CNTNAP5: variants seen among roughly 807,000 people sequenced by gnomAD.
CNTNAP5 encodes contactin-associated protein-like 5.
A neutral mutation model predicts 150.2 loss-of-function variants in CNTNAP5; 72 were observed. That is an observed-to-expected ratio of 0.48 (90% CI 0.40 to 0.58). The LOEUF (loss-of-function observed/expected upper bound fraction) is 0.58. CNTNAP5 is among the 20% of genes least tolerant of loss of function. The pLI is 0.00. For synonymous variants in CNTNAP5, 672 were observed against 619.8 expected, an observed-to-expected ratio of 1.08 and a Z score of -1.25; for missense variants, 1,636 against 1,626.2, an observed-to-expected ratio of 1.01 and a Z score of -0.10.
intron 10 of CNTNAP5, among the ~76,000 whole-genome samples, chr2:124,538,393 G>C (rs138738320): frequency 6.6e-6 from 1 of 152,070 alleles, no homozygotes; most frequent in South Asian, 2.1e-4. Flanking sequence ...CATGAGAATC[G>C]TTTGAACCCA....
intron 3 of CNTNAP5, among the ~76,000 whole-genome samples, chr2:124,336,161 C>A (rs950183035): frequency 6.6e-6 from 1 of 151,982 alleles, no homozygotes; most frequent in African/African-American, 2.4e-5. Context: ...TGAAATGGGA[C>A]CATAGTACAG....
intron 10 of CNTNAP5, among the ~76,000 whole-genome samples, chr2:124,546,484 C>T (rs146827010): frequency 2.6e-5 from 4 of 152,158 alleles, no homozygotes; most frequent in African/African-American, 9.6e-5. Flanking sequence ...CCCTTGTTTC[C>T]ACAAAACTAC....
At chr2:124,148,866 GTA>G (rs201789055) in intron 1 of CNTNAP5, among the ~76,000 whole-genome samples, 72 of 150,632 alleles carry the variant, frequency 4.8e-4, no homozygotes, top group Middle Eastern at 3.5e-3. Flanking sequence ...AGAGAGAGGT[GTA>G]TATATATACA....
At chr2:124,879,436 C>G (rs887767141) in intron 21 of CNTNAP5, among the ~76,000 whole-genome samples, 5 of 152,142 alleles carry the variant, frequency 3.3e-5, no homozygotes, top group African/African-American at 4.8e-5. Context: ...GCCTCCCAGA[C>G]TTGGATGAGT....
intron 8 of CNTNAP5, among the ~76,000 whole-genome samples, chr2:124,521,411 C>T (rs1573433217): frequency 6.6e-6 from 1 of 152,168 alleles, no homozygotes; most frequent in Non-Finnish European, 1.5e-5. Flanking sequence ...AAACCACCAA[C>T]CAAGCAAACC....
intron 1 of CNTNAP5, among the ~76,000 whole-genome samples, chr2:124,072,809 A>G (rs1374452736): frequency 6.6e-6 from 1 of 152,084 alleles, no homozygotes; most frequent in African/African-American, 2.4e-5. Flanking sequence ...ATTCAATGCA[A>G]TCCTTATCAA....
intron 13 of CNTNAP5, among the ~76,000 whole-genome samples, chr2:124,655,537 T>TTA (rs35983123): frequency 0.011 from 1,638 of 148,078 alleles, 19 homozygotes; most frequent in South Asian, 0.044. Flanking sequence ...CATCAAATGA[T>TTA]TATATATATA....
chr2:124,496,405 A>T (rs1365668923), intron 7 of CNTNAP5, among the ~76,000 whole-genome samples: 1 of 152,168 alleles, frequency 6.6e-6, no homozygotes, highest in African/African-American at 2.4e-5. Context: ...TTGGATGAAG[A>T]TCATTTTCTC....
intron 7 of CNTNAP5, among the ~76,000 whole-genome samples, chr2:124,486,655 A>G (rs2104845336): frequency 6.6e-6 from 1 of 152,340 alleles, no homozygotes; most frequent in East Asian, 1.9e-4. Context: ...TTCATATGTC[A>G]CCTGATCACA....
intron 19 of CNTNAP5, among the ~76,000 whole-genome samples, chr2:124,826,059 A>T (rs1243035097): frequency 6.6e-6 from 1 of 152,182 alleles, no homozygotes; most frequent in East Asian, 1.9e-4. Context: ...AACAAACATA[A>T]TTGCATAATG....
chr2:124,222,520 A>T (rs1573847730), intron 2 of CNTNAP5, among the ~76,000 whole-genome samples: 1 of 152,156 alleles, frequency 6.6e-6, no homozygotes, highest in East Asian at 1.9e-4. Flanking sequence ...GGTATCTGAT[A>T]GTATCTTAAT....
chr2:124,564,177 C>T (rs1235243518), intron 11 of CNTNAP5, among the ~76,000 whole-genome samples: 1 of 152,102 alleles, frequency 6.6e-6, no homozygotes, highest in Non-Finnish European at 1.5e-5. Flanking sequence ...CACAGGGGTC[C>T]TCTGCTCTGT....
intron 3 of CNTNAP5, among the ~76,000 whole-genome samples, chr2:124,377,218 G>A (rs1215677175): frequency 6.6e-6 from 1 of 152,098 alleles, no homozygotes; most frequent in Non-Finnish European, 1.5e-5. Flanking sequence ...TGGGAACACT[G>A]TCTTCCACTG....
At chr2:124,747,571 G>C (rs1009776021) in intron 14 of CNTNAP5, among the ~76,000 whole-genome samples, 186 bp downstream of exon 14, 4 of 148,926 alleles carry the variant, frequency 2.7e-5, no homozygotes, top group African/African-American at 7.4e-5. Context: ...ACTTATGTTT[G>C]GTACATATAA....
chr2:124,225,026 T>C (rs1429688659), intron 2 of CNTNAP5, among the ~76,000 whole-genome samples: 1 of 152,060 alleles, frequency 6.6e-6, no homozygotes, highest in Non-Finnish European at 1.5e-5. Context: ...AAAGAGCAAA[T>C]TGTACCACAT....
intron 13 of CNTNAP5, among the ~76,000 whole-genome samples, chr2:124,722,100 A>G (rs1680061946): frequency 6.6e-6 from 1 of 152,084 alleles, no homozygotes; most frequent in Non-Finnish European, 1.5e-5. Context: ...CTTAATAGAG[A>G]CACATTCTGA....
intron 3 of CNTNAP5, among the ~76,000 whole-genome samples, chr2:124,368,246 G>C (rs1690425712): frequency 6.6e-6 from 1 of 152,166 alleles, no homozygotes; most frequent in African/African-American, 2.4e-5. Context: ...AGTTTGTAAA[G>C]CTTGATTCTG....
intron 1 of CNTNAP5, among the ~76,000 whole-genome samples, chr2:124,046,432 AG>A (rs1681538332): frequency 1.5e-5 from 1 of 68,466 alleles, no homozygotes. Flanking sequence ...CACAAAAGAG[AG>A]AAAAAAAAAA....
Position 124,218,270 on chromosome 2 carries a change from C to T in CNTNAP5, c.83-3435C>T, listed in dbSNP as rs375401252. Among the ~76,000 whole-genome samples, 63 of 152,166 alleles carry T rather than the reference C, an allele frequency of 4.1e-4. 1 individual carries two copies. The highest frequency in any genetic ancestry group is 7.7e-4 in the East Asian group (4 of 5,164). On this transcript the variant is annotated intron_variant, in intron 1 of 23. Coordinates refer to ENST00000682447, the MANE Select transcript of CNTNAP5 (RefSeq NM_001367498.1). ...CATGCTTAGCGTTCCAATAATGGAA[C>T]ATTAGGCAAAAATAGGCTTCCATTC... is the stretch of plus-strand genomic sequence containing the variant.
Sources: gnomAD v4.1 joint callset for allele counts (sites outside exome capture counted in the v4.1 genomes callset) on GRCh38, gnomAD v4.1.1 for gene constraint, MANE v1.5 for transcripts, NCBI Gene and HGNC (gene_info 2026-07-23, HGNC 2026-07-21) for gene names.